Variants in TNFRSF9 observed in about 807,000 individuals in gnomAD.
TNFRSF9 encodes TNF receptor superfamily member 9.
Under a neutral mutation model 28.8 loss-of-function variants are expected in TNFRSF9, and 16 were observed. That is an observed-to-expected ratio of 0.55 (90% confidence interval 0.38 to 0.84). The LOEUF (loss-of-function observed/expected upper bound fraction) is 0.84. Among genes scored for constraint, TNFRSF9 ranks in the 40% least tolerant of loss-of-function variants. The pLI, the probability that TNFRSF9 is intolerant of heterozygous loss-of-function variation, is 0.00. For missense variants in TNFRSF9, 303 were observed against 315.0 expected, an observed-to-expected ratio of 0.96 and a Z score of 0.29; for synonymous variants, 131 against 117.0, an observed-to-expected ratio of 1.12 and a Z score of -0.77.
At chr1:7,934,506 C>T (rs1388003146) in intron 6 of TNFRSF9, among the ~76,000 whole-genome samples, 1 of 151,742 alleles carries the variant, frequency 6.6e-6, no homozygotes, top group Non-Finnish European at 1.5e-5. Context: ...GTCAGGAGTT[C>T]AAGACCAGAC....
In TNFRSF9 at chr1:7,940,152, T is replaced by C. The variant is rs540067408; in HGVS notation, c.-84-74A>G. The C allele has an allele frequency of 1.2e-4, 62 of 500,778 alleles. 2 individuals carry two copies. The highest frequency in any genetic ancestry group is 5.5e-4 in the Admixed American group (18 of 32,594). 31.0% of individuals were successfully genotyped at this position (500,778 alleles called of 1,614,324 possible). On this transcript the variant is annotated intron_variant, in intron 1 of 7. Transcript: ENST00000377507. ...TTATCTATATTGCAATCATTACTTA[T>C]ACAATTCTATAAGAGGATAACTCAG...
In TNFRSF9 at chr1:7,938,799, T is replaced by G. The variant is rs374857269; in HGVS notation, c.130A>C (p.Ile44Leu). The change falls in exon 3 of 8, where the codon ATT (isoleucine) becomes CTT (leucine). Residue 44 changes from isoleucine to leucine, a missense_variant. Transcript: ENST00000377507. ...CTATTTGGAGGACAGGGACTGCAAATCTGATTCCTGTTATTATCACAGAAT... is the reference window on the plus strand; with the variant it reads ...CTATTTGGAGGACAGGGACTGCAAAGCTGATTCCTGTTATTATCACAGAAT... ...GTFCDNNRNQ[I>L]CSPCPPNSFS... 4 of 1,613,390 alleles carry G rather than the reference T, an allele frequency of 2.5e-6. No homozygotes were observed. The highest frequency in any genetic ancestry group is 3.4e-6 in the Non-Finnish European group (4 of 1,179,618).
chr1:7,920,925 T>TAA lies in TNFRSF9; in HGVS notation c.680-4_680-3dup. ...TAGTTTGTACTGGTCTCATAAATGC[T>TAA]AAAAAAAAAATTTTAAGATACGTAT... On this transcript the variant is annotated splice_polypyrimidine_tract_variant and splice_region_variant and intron_variant, in intron 7 of 7. Coordinates refer to ENST00000377507, the MANE Select transcript of TNFRSF9 (RefSeq NM_001561.6). 4.6e-6 allele frequency: 7 copies of TAA among 1,519,750 alleles called. No homozygotes were observed. Among genetic ancestry groups the TAA allele is most frequent in the Admixed American group, 1.8e-5 (1 of 54,482 alleles). The allele number at this position is 1,519,750 out of a possible 1,614,324, so 94.1% of individuals were successfully genotyped here. A position where few individuals can be genotyped will look rare whatever the true frequency, so the allele number is the denominator to read the frequency against.
At chr1:7,932,691 G>GCA (rs370622652) in intron 7 of TNFRSF9, among the ~76,000 whole-genome samples, 2,650 of 147,916 alleles carry the variant, frequency 0.018, 86 homozygotes, top group African/African-American at 0.063. Context: ...GCACGCACGC[G>GCA]CACACACACA....
intron 7 of TNFRSF9, among the ~76,000 whole-genome samples, chr1:7,927,807 T>A (rs1381265013): frequency 6.7e-6 from 1 of 150,348 alleles, no homozygotes; most frequent in Non-Finnish European, 1.5e-5. Context: ...AATGAAAAAA[T>A]CCATAAACTG....
intron 6 of TNFRSF9, among the ~76,000 whole-genome samples, chr1:7,933,596 G>A (rs1313634315): frequency 6.6e-6 from 1 of 152,146 alleles, no homozygotes; most frequent in Non-Finnish European, 1.5e-5. Context: ...TTGGCAGGAT[G>A]AGGCAGGAGA....
intron 7 of TNFRSF9, among the ~76,000 whole-genome samples, chr1:7,931,589 G>A (rs1047754682): frequency 6.6e-6 from 1 of 152,210 alleles, no homozygotes; most frequent in Non-Finnish European, 1.5e-5. Flanking sequence ...CAAAACTACA[G>A]CAAAAGGAAG....
At chr1:7,930,745 G>A (rs1422063770) in intron 7 of TNFRSF9, among the ~76,000 whole-genome samples, 1 of 152,050 alleles carries the variant, frequency 6.6e-6, no homozygotes, top group East Asian at 1.9e-4. Context: ...CTTCAGCCTG[G>A]GTGACACAGT....
intron 6 of TNFRSF9, among the ~76,000 whole-genome samples, chr1:7,933,539 C>A: frequency 6.6e-6 from 1 of 151,820 alleles, no homozygotes; most frequent in East Asian, 1.9e-4. Flanking sequence ...GAGTTCAAGA[C>A]CAGCCTGGCC....
Position 7,938,873 on chromosome 1 carries a change from T to C in TNFRSF9, c.101-45A>G, listed in dbSNP as rs373011769. ...GTGGTACACGTTTGACAATGGGCAA[T>C]CGTCACCCAAGGCATTCCGAAGTTT... On this transcript the variant is annotated intron_variant, in intron 2 of 7. Coordinates refer to ENST00000377507, the MANE Select transcript of TNFRSF9 (RefSeq NM_001561.6). The C allele has an allele frequency of 8.7e-6, 12 of 1,380,172 alleles. No individual in the cohort carries two copies. In the African/African-American group the frequency reaches 1.6e-4, roughly 18 times the overall value. The allele number at this position is 1,380,172 out of a possible 1,614,324, so 85.5% of individuals were successfully genotyped here.
At chr1:7,923,465 G>A (rs1035384236) in intron 7 of TNFRSF9, among the ~76,000 whole-genome samples, 1 of 152,138 alleles carries the variant, frequency 6.6e-6, no homozygotes, top group African/African-American at 2.4e-5. Context: ...CTCCACCCCT[G>A]CCTGGCCGTA....
At chr1:7,928,453 A>C (rs759917387) in intron 7 of TNFRSF9, among the ~76,000 whole-genome samples, 4 of 152,262 alleles carry the variant, frequency 2.6e-5, no homozygotes, top group Non-Finnish European at 5.9e-5. Flanking sequence ...AATACTATTC[A>C]GCAAGGAAAA....
At chr1:7,933,376 A>C in intron 6 of TNFRSF9, 80 bp from the exon 7 acceptor site, 1 of 1,469,466 alleles carries the variant, frequency 6.8e-7, no homozygotes, top group Non-Finnish European at 9.2e-7. Context: ...TACATTGGTA[A>C]ATTTCTAAGC....
intron 5 of TNFRSF9, 118 bp downstream of exon 5, chr1:7,937,572 A>G: frequency 4.0e-6 from 3 of 747,904 alleles, no homozygotes; most frequent in East Asian, 2.6e-5. Flanking sequence ...GCCTATTAGT[A>G]TGTTACATTC....
intron 7 of TNFRSF9, among the ~76,000 whole-genome samples, chr1:7,925,439 C>T (rs956236467): frequency 6.6e-6 from 1 of 152,102 alleles, no homozygotes. Context: ...CAGTGATATA[C>T]AGCAGAGGTC....
chr1:7,927,843 T>A (rs1639677451), intron 7 of TNFRSF9, among the ~76,000 whole-genome samples: 1 of 152,092 alleles, frequency 6.6e-6, no homozygotes, highest in Non-Finnish European at 1.5e-5. Flanking sequence ...AAATAGCTTT[T>A]CTCTGTGGAA....
intron 5 of TNFRSF9, among the ~76,000 whole-genome samples, chr1:7,936,246 T>C (rs769924655): frequency 4.6e-5 from 7 of 152,052 alleles, no homozygotes; most frequent in Non-Finnish European, 1.0e-4. Context: ...TGAAAGCCCA[T>C]CTCTACTAAA....
At chr1:7,935,183 A>G in intron 5 of TNFRSF9, 40 bp from the exon 6 acceptor site, 1 of 1,597,702 alleles carries the variant, frequency 6.3e-7, no homozygotes. Context: ...TAATTAACTT[A>G]GGTCCAGAAG....
rs1639794829 is a variant in TNFRSF9 at position 7,934,960 on chromosome 1, A to G, written c.544+53T>C. 4 of 1,601,546 alleles carry G rather than the reference A, an allele frequency of 2.5e-6. No individual in the cohort carries two copies. The East Asian group carries it at 9.0e-5, about 36-fold the overall frequency. ...ATGATATTGGGGCAATTTAGATACA[A>G]TCTGGAATCACCATAAGATACGCAC... is the stretch of plus-strand genomic sequence containing the variant. On this transcript the variant is annotated intron_variant, in intron 6 of 7. Transcript: ENST00000377507.
Sources: allele counts gnomAD v4.1 joint callset (sites outside exome capture counted in the v4.1 genomes callset), GRCh38; gene constraint gnomAD v4.1.1; transcripts MANE v1.5; gene names NCBI Gene and HGNC (gene_info 2026-07-23, HGNC 2026-07-21).